The following LOC128462377 variants were observed in gnomAD, a reference collection of about 807,000 sequenced individuals.
At chr16:89,338,726 C>CAA in the LOC128462377 span, among the ~76,000 whole-genome samples, 18,540 of 42,560 alleles carry the variant, frequency 0.44, 4,282 homozygotes, top group Non-Finnish European at 0.49. Context: ...CACTCAGTCT[C>CAA]AAAAAAAAAA....
chr16:89,407,311 G>GA, the LOC128462377 span, among the ~76,000 whole-genome samples: 59 of 151,112 alleles, frequency 3.9e-4, no homozygotes, highest in Non-Finnish European at 6.9e-4. Flanking sequence ...GGGGGAAAAA[G>GA]AAAAAAAAAT....
chr16:89,398,962 C>G, the LOC128462377 span, among the ~76,000 whole-genome samples: 1 of 152,278 alleles, frequency 6.6e-6, no homozygotes, highest in South Asian at 2.1e-4. Context: ...GACAGACTCC[C>G]ATCATCCCTC....
the LOC128462377 span, among the ~76,000 whole-genome samples, chr16:89,371,814 A>G: frequency 6.6e-6 from 1 of 152,312 alleles, no homozygotes; most frequent in Non-Finnish European, 1.5e-5. Context: ...CCAGGCCAGC[A>G]ATGTCCATCA....
At chr16:89,346,988 T>C in the LOC128462377 span, among the ~76,000 whole-genome samples, 3 of 152,200 alleles carry the variant, frequency 2.0e-5, no homozygotes, top group Non-Finnish European at 2.9e-5. Context: ...AGGCGCGAAC[T>C]GTCTGCGAAG....
chr16:89,323,002 C>A, the LOC128462377 span: 2 of 298,332 alleles, frequency 6.7e-6, no homozygotes, highest in South Asian at 2.7e-5. Context: ...TGGCACCATG[C>A]CCGGCTAATT....
At chr16:89,377,542 A>G in the LOC128462377 span, among the ~76,000 whole-genome samples, 7 of 152,152 alleles carry the variant, frequency 4.6e-5, no homozygotes, top group African/African-American at 1.7e-4. Context: ...GCTAAGAGAT[A>G]CCACACCAGA....
the LOC128462377 span, among the ~76,000 whole-genome samples, chr16:89,356,647 G>C: frequency 6.6e-6 from 1 of 151,330 alleles, no homozygotes; most frequent in Non-Finnish European, 1.5e-5. Context: ...CAGGCGTGGT[G>C]GTGGGTGCCT....
the LOC128462377 span, among the ~76,000 whole-genome samples, chr16:89,414,828 C>T: frequency 6.6e-6 from 1 of 152,212 alleles, no homozygotes; most frequent in East Asian, 1.9e-4. Flanking sequence ...GCACCGTGTA[C>T]TGAAGAAGCG....
the LOC128462377 span, among the ~76,000 whole-genome samples, chr16:89,326,288 G>A: frequency 6.6e-6 from 1 of 152,208 alleles, no homozygotes; most frequent in African/African-American, 2.4e-5. Context: ...GAAACACGCA[G>A]GGAAGAGGAA....
the LOC128462377 span, among the ~76,000 whole-genome samples, chr16:89,328,037 A>G: frequency 6.6e-6 from 1 of 152,240 alleles, no homozygotes; most frequent in Non-Finnish European, 1.5e-5. Context: ...ACAAACATTA[A>G]TTAGAAAATA....
chr16:89,403,286 G>A, the LOC128462377 span, among the ~76,000 whole-genome samples: 1 of 152,178 alleles, frequency 6.6e-6, no homozygotes, highest in Non-Finnish European at 1.5e-5. Context: ...CACATGTTGT[G>A]AGCAATCCTG....
the LOC128462377 span, among the ~76,000 whole-genome samples, chr16:89,404,357 A>G: frequency 6.6e-6 from 1 of 152,218 alleles, no homozygotes; most frequent in South Asian, 2.1e-4. Context: ...ACATTTTTGT[A>G]ATCAAAGGGC....
chr16:89,362,055 C>T, the LOC128462377 span, among the ~76,000 whole-genome samples: 1 of 152,192 alleles, frequency 6.6e-6, no homozygotes, highest in East Asian at 1.9e-4. Flanking sequence ...TCCTCAGATA[C>T]GTTTCATTAA....
At chr16:89,358,605 AAAT>A in the LOC128462377 span, among the ~76,000 whole-genome samples, 1 of 152,186 alleles carries the variant, frequency 6.6e-6, no homozygotes, top group Non-Finnish European at 1.5e-5. Flanking sequence ...AAAACTTTAA[AAAT>A]AATAATTAAT....
chr16:89,386,858 TGTGC>T, the LOC128462377 span, among the ~76,000 whole-genome samples: 2 of 152,070 alleles, frequency 1.3e-5, no homozygotes, highest in Admixed American at 6.5e-5. Flanking sequence ...GCCAGAGCTG[TGTGC>T]GAACAGACAA....
chr16:89,414,761 C>G, the LOC128462377 span, among the ~76,000 whole-genome samples: 1 of 152,096 alleles, frequency 6.6e-6, no homozygotes, highest in Non-Finnish European at 1.5e-5. Context: ...CAGGACCAGC[C>G]TAGAATCCAT....
chr16:89,416,447 C>T, the LOC128462377 span, among the ~76,000 whole-genome samples: 1 of 152,066 alleles, frequency 6.6e-6, no homozygotes, highest in Non-Finnish European at 1.5e-5. Context: ...CACAGGCATT[C>T]GCCACCACGT....
At chr16:89,382,657 C>A in the LOC128462377 span, among the ~76,000 whole-genome samples, 25 of 152,050 alleles carry the variant, frequency 1.6e-4, no homozygotes, top group African/African-American at 4.8e-4. Flanking sequence ...CAATTCCCCC[C>A]CTCCAGTAGA....
the LOC128462377 span, among the ~76,000 whole-genome samples, chr16:89,409,068 G>T: frequency 6.6e-6 from 1 of 152,212 alleles, no homozygotes; most frequent in Non-Finnish European, 1.5e-5. Flanking sequence ...CTGCACAAAA[G>T]GCCAGAGCAG....
Sources: allele counts gnomAD v4.1 joint callset (sites outside exome capture counted in the v4.1 genomes callset), GRCh38; gene constraint gnomAD v4.1.1; transcripts MANE v1.5.